CACNA2D1: variants seen among roughly 807,000 people sequenced by gnomAD.
The protein encoded by CACNA2D1 is calcium voltage-gated channel auxiliary subunit alpha2delta 1.
In CACNA2D1, 53 loss-of-function variants were observed where a neutral mutation model predicts 171.5. That is an observed-to-expected ratio of 0.31 (90% CI 0.25 to 0.39). The LOEUF is 0.39. Among genes scored for constraint, CACNA2D1 ranks in the 10% least tolerant of loss-of-function variants. The pLI is 1.00. For missense variants in CACNA2D1, 903 were observed against 1,299.8 expected (o/e 0.69, Z 4.69); for synonymous variants, 442 against 443.1 (o/e 1.00, Z 0.03).
chr7:82,332,553 A>AGAAAGAAAGAAAGAAG (rs1817480598), intron 3 of CACNA2D1, among the ~76,000 whole-genome samples: 1 of 132,986 alleles, frequency 7.5e-6, no homozygotes, highest in Non-Finnish European at 1.7e-5. Flanking sequence ...AAAGAAAGAA[A>AGAAAGAAAGAAAGAAG]GAAAGAAAGA....
intron 1 of CACNA2D1, among the ~76,000 whole-genome samples, chr7:82,363,955 A>C (rs1821391061): frequency 6.6e-6 from 1 of 152,054 alleles, no homozygotes. Flanking sequence ...GGGTGAAGGC[A>C]GGGCCCGGGG....
chr7:82,086,763 C>T (rs1387191456), intron 6 of CACNA2D1, among the ~76,000 whole-genome samples: 1 of 152,086 alleles, frequency 6.6e-6, no homozygotes, highest in East Asian at 1.9e-4. Flanking sequence ...TAGGCAATAA[C>T]ATCTAGTTAT....
chr7:82,262,824 T>C (rs916099314), intron 3 of CACNA2D1, among the ~76,000 whole-genome samples: 1 of 152,076 alleles, frequency 6.6e-6, no homozygotes, highest in Admixed American at 6.6e-5. Flanking sequence ...AGTCACACTC[T>C]CTCCTTCCTC....
chr7:81,957,902 A>C (rs1793615792), intron 38 of CACNA2D1, among the ~76,000 whole-genome samples: 2 of 152,094 alleles, frequency 1.3e-5, no homozygotes, highest in South Asian at 4.1e-4. Flanking sequence ...TCACTTTTCA[A>C]GTTCATCTGA....
chr7:81,964,199 T>A lies in CACNA2D1; in HGVS notation c.2727+8A>T, dbSNP rs750388768. The stretch of plus-strand genomic sequence containing the variant: ...TTGAGAATTGATTAGACCGTGGATA[T>A]TACTGACCACATATGCTGAGCGATG... On this transcript the variant is annotated splice_region_variant and intron_variant, in intron 33 of 38. Transcript: ENST00000356860. 1 of 1,612,208 alleles carries A rather than the reference T, an allele frequency of 6.2e-7. No homozygotes were observed. The highest frequency in any genetic ancestry group is 8.5e-7 in the Non-Finnish European group (1 of 1,179,156).
At chr7:82,411,658 C>A (rs1336942467) in intron 1 of CACNA2D1, among the ~76,000 whole-genome samples, 1 of 152,040 alleles carries the variant, frequency 6.6e-6, no homozygotes, top group African/African-American at 2.4e-5. Context: ...GGACACCTTG[C>A]CTCTTCCCAT....
rs3801771 is a variant in CACNA2D1, at chr7:81,999,840, A to G, written c.1591-2590T>C. Reference sequence around the variant, plus strand: ...TTAAACTTTATAGGAATTATAAAAGATATGAAGACTTTCATATGCAACAAT... The same window carrying G: ...TTAAACTTTATAGGAATTATAAAAGGTATGAAGACTTTCATATGCAACAAT... On this transcript the variant is annotated intron_variant, in intron 18 of 38. Coordinates refer to ENST00000356860, the MANE Select transcript of CACNA2D1 (RefSeq NM_000722.4). 1.1e-4 allele frequency among the ~76,000 whole-genome samples: 16 copies of G among 152,358 alleles called. No homozygotes were observed. In the East Asian group the frequency reaches 3.1e-3, roughly 29 times the overall value.
rs1471162796 is a variant in CACNA2D1, at chr7:81,948,214, A to G, written c.*2178T>C. On this transcript the variant is annotated 3_prime_UTR_variant, in exon 39 of 39. Coordinates refer to ENST00000356860, the MANE Select transcript of CACNA2D1 (RefSeq NM_000722.4). ...CCCCTTCCCAACACTATCATGATTT[A>G]AGATAGTCTAGCAAAAATTGAACAA... The G allele has an allele frequency of 6.6e-6, 1 of 151,920 alleles. No homozygotes were observed. Among genetic ancestry groups the G allele is most frequent in the Non-Finnish European group, 1.5e-5 (1 of 67,846 alleles). The allele number at this position is 151,920 out of a possible 1,614,324, so 9.4% of individuals were successfully genotyped here. A position where few individuals can be genotyped will look rare whatever the true frequency, so the allele number is the denominator to read the frequency against.
intron 1 of CACNA2D1, among the ~76,000 whole-genome samples, chr7:82,438,141 ATT>A (rs1170995848): frequency 1.3e-5 from 2 of 152,146 alleles, no homozygotes; most frequent in Non-Finnish European, 2.9e-5. Flanking sequence ...GCAATATCTC[ATT>A]TAATTGTCTT....
rs59793382 is a variant in CACNA2D1, at chr7:81,974,786, A to AGTATTAG, written c.1956-235_1956-234insCTAATAC. The stretch of plus-strand genomic sequence containing the variant: ...GCCTTTGGACAGTAGGTGCTCAATA[A>AGTATTAG]GTTTTGGTGTAGTTATACTATTATC... On this transcript the variant is annotated intron_variant, in intron 24 of 38. Coordinates refer to ENST00000356860, the MANE Select transcript of CACNA2D1 (RefSeq NM_000722.4). Among the ~76,000 whole-genome samples the AGTATTAG allele has an allele frequency of 0.75, 113,501 of 151,204 alleles. 42,675 individuals are homozygous for AGTATTAG. Among genetic ancestry groups the AGTATTAG allele is most frequent in the African/African-American group, 0.78 (32,313 of 41,238 alleles).
intron 4 of CACNA2D1, among the ~76,000 whole-genome samples, chr7:82,149,174 C>T (rs1446587409): frequency 6.6e-6 from 1 of 152,204 alleles, no homozygotes; most frequent in East Asian, 1.9e-4. Flanking sequence ...AATGCCTGGC[C>T]CATCACAGCT....
chr7:81,961,867 G>C, intron 36 of CACNA2D1, 27 bp downstream of exon 36: 1 of 1,503,680 alleles, frequency 6.7e-7, no homozygotes, highest in South Asian at 1.1e-5. Context: ...TAATGAAATA[G>C]GACTACTCCT....
At chr7:82,157,628 C>T (rs1794500338) in intron 4 of CACNA2D1, among the ~76,000 whole-genome samples, 1 of 151,986 alleles carries the variant, frequency 6.6e-6, no homozygotes, top group Non-Finnish European at 1.5e-5. Flanking sequence ...CATTCCATTC[C>T]CTCCTAGCCA....
intron 20 of CACNA2D1, 30 bp downstream of exon 20, chr7:81,994,833 TTTTTA>T (rs1424632757): frequency 1.9e-6 from 2 of 1,040,128 alleles, no homozygotes; most frequent in South Asian, 2.6e-5. Context: ...CTTGATATAA[TTTTTA>T]TTTAAGAATA....
chr7:82,142,257 C>G (rs1178171587), intron 4 of CACNA2D1, among the ~76,000 whole-genome samples: 3 of 152,142 alleles, frequency 2.0e-5, no homozygotes, highest in African/African-American at 7.2e-5. Flanking sequence ...CAAATTTGCC[C>G]AAATGGTCCA....
chr7:81,968,669 TG>T (rs1794955873), intron 29 of CACNA2D1, among the ~76,000 whole-genome samples: 2 of 150,982 alleles, frequency 1.3e-5, no homozygotes, highest in African/African-American at 4.8e-5. Context: ...ACATACACAC[TG>T]TTTTGAAAAT....
At chr7:82,335,623 G>A (rs770029695) in intron 2 of CACNA2D1, among the ~76,000 whole-genome samples, 49 of 152,224 alleles carry the variant, frequency 3.2e-4, no homozygotes, top group Middle Eastern at 6.8e-3. Flanking sequence ...GAGCATGGGA[G>A]GTCAAACCTG....
In CACNA2D1 at chr7:81,950,370, T is replaced by C. The variant is rs143491535; in HGVS notation, c.*22A>G. ...TTTGGCAGGGTCTGGAGTTTAACTA[T>C]GCAGATTTGGTTTTTAGAAGGTCAT... On this transcript the variant is annotated 3_prime_UTR_variant, in exon 39 of 39. Transcript: ENST00000356860. The C allele has an allele frequency of 1.2e-6, 2 of 1,613,040 alleles. No individual in the cohort carries two copies. The highest frequency in any genetic ancestry group is 1.3e-5 in the African/African-American group (1 of 74,948).
chr7:82,158,083 A>C (rs538817169), intron 4 of CACNA2D1, among the ~76,000 whole-genome samples: 1 of 152,100 alleles, frequency 6.6e-6, no homozygotes, highest in Admixed American at 6.6e-5. Flanking sequence ...GAATATATGT[A>C]AACATATCTA....
Sources: gnomAD v4.1 joint callset for allele counts (sites outside exome capture counted in the v4.1 genomes callset) on GRCh38, gnomAD v4.1.1 for gene constraint, MANE v1.5 for transcripts, NCBI Gene and HGNC (gene_info 2026-07-23, HGNC 2026-07-21) for gene names.